COL24A1: variants seen among roughly 807,000 people sequenced by gnomAD.
COL24A1 encodes collagen type XXIV alpha 1 chain, also known as collagen alpha-1(XXIV) chain.
Under a neutral mutation model 253.9 loss-of-function variants are expected in COL24A1, and 224 were observed. The ratio of observed to expected loss-of-function variants is 0.88; its 90% confidence interval spans 0.79 to 0.99. The LOEUF (loss-of-function observed/expected upper bound fraction) is 0.99. Ranked by LOEUF, COL24A1 falls within the 50% of genes least tolerant of loss-of-function variation. The pLI, the probability that COL24A1 is intolerant of heterozygous loss-of-function variation, is 0.00. For synonymous variants in COL24A1, 685 were observed against 673.7 expected, an observed-to-expected ratio of 1.02 and a Z score of -0.26; for missense variants, 2,131 against 2,068.5, an observed-to-expected ratio of 1.03 and a Z score of -0.59.
At chr1:86,134,716 A>G (rs77515393) in intron 2 of COL24A1, among the ~76,000 whole-genome samples, 35,128 of 38,488 alleles carry the variant, frequency 0.91, 16,583 homozygotes, top group Non-Finnish European at 1. Context: ...CTGAGAGACA[A>G]TTTGTTATAA....
intron 19 of COL24A1, among the ~76,000 whole-genome samples, chr1:85,988,791 C>T (rs1157855067): frequency 6.6e-6 from 1 of 151,904 alleles, no homozygotes; most frequent in East Asian, 1.9e-4. Context: ...AAAATGATAC[C>T]AACGTATCCA....
In COL24A1 at chr1:86,031,916, C is replaced by T. The variant is rs1698603972; in HGVS notation, c.2011G>A (p.Val671Ile). The change falls in exon 14 of 60, where the codon GTA becomes ATA. Residue 671 changes from valine to isoleucine, a missense_variant. Val to Ile is a conservative substitution (Grantham distance 29, BLOSUM62 3). Transcript: ENST00000370571. ...PAGLDGSPGL[V>I]GGTGPPGFPG... ...AACCCCGGAGGACCAGTGCCACCTA[C>T]AAGTCCCTATTGTAAAAGAAATTTG... 5 of 1,608,510 alleles carry T rather than the reference C, an allele frequency of 3.1e-6. No individual in the cohort carries two copies. Among genetic ancestry groups the T allele is most frequent in the African/African-American group, 1.3e-5 (1 of 74,670 alleles).
chr1:86,009,256 A>G (rs1696276437), intron 19 of COL24A1, among the ~76,000 whole-genome samples: 1 of 152,214 alleles, frequency 6.6e-6, no homozygotes, highest in African/African-American at 2.4e-5. Flanking sequence ...TTGTGCATGA[A>G]CAGACAACCA....
intron 24 of COL24A1, among the ~76,000 whole-genome samples, chr1:85,945,361 C>T (rs1689236885): frequency 1.3e-5 from 2 of 151,470 alleles, no homozygotes; most frequent in Admixed American, 1.3e-4. Context: ...CAACATTGTA[C>T]TGAAAATCCT....
At chr1:86,088,621 C>T (rs910861209) in intron 7 of COL24A1, among the ~76,000 whole-genome samples, 21 of 152,262 alleles carry the variant, frequency 1.4e-4, no homozygotes, top group African/African-American at 5.1e-4. Flanking sequence ...CTGTTTTTCA[C>T]TAGCTGTCCC....
At position 85,896,390 on chromosome 1, in the gene COL24A1, C is replaced by A; in HGVS notation, c.2798G>T (p.Gly933Val). 3 of 1,613,288 alleles carry A rather than the reference C, an allele frequency of 1.9e-6. No individual in the cohort carries two copies. Among genetic ancestry groups the A allele is most frequent in the Non-Finnish European group, 2.5e-6 (3 of 1,179,310 alleles). Residue 933 changes from glycine to valine, a missense_variant, in exon 29 of 60, where the codon GGT (glycine) becomes GTT (valine). By Grantham distance (109) the Gly-to-Val change is moderately radical (BLOSUM62 -3). Transcript: ENST00000370571. ...KGQRGSRGPD[G>V]LLGEQGIQGA... ...TTGTATACCTTGTTCCCCTAAGAGA[C>A]CATCTGGTCCTCTTGATCCCTAGAG...
chr1:86,054,974 A>G (rs1274137722), intron 10 of COL24A1, among the ~76,000 whole-genome samples: 1 of 152,176 alleles, frequency 6.6e-6, no homozygotes, highest in African/African-American at 2.4e-5. Context: ...AAAATGAACA[A>G]AATCCTATCC....
intron 3 of COL24A1, among the ~76,000 whole-genome samples, chr1:86,117,832 A>T (rs914419553): frequency 3.3e-5 from 5 of 152,220 alleles, no homozygotes; most frequent in Admixed American, 3.3e-4. Flanking sequence ...TTAAAAAGTA[A>T]TGGTTTTGCA....
At chr1:85,884,187 C>T (rs1682202517) in intron 32 of COL24A1, among the ~76,000 whole-genome samples, 1 of 151,898 alleles carries the variant, frequency 6.6e-6, no homozygotes, top group South Asian at 2.1e-4. Context: ...GTCTGCTATC[C>T]CTGAGTCTGT....
At chr1:85,778,811 C>T (rs1479163703) in intron 52 of COL24A1, among the ~76,000 whole-genome samples, 1 of 151,986 alleles carries the variant, frequency 6.6e-6, no homozygotes, top group African/African-American at 2.4e-5. Flanking sequence ...ACCATGTTGG[C>T]CAGGCTGGTC....
At chr1:86,044,686 C>G (rs976294254) in intron 12 of COL24A1, among the ~76,000 whole-genome samples, 1 of 152,086 alleles carries the variant, frequency 6.6e-6, no homozygotes, top group Non-Finnish European at 1.5e-5. Flanking sequence ...TCAATAGACT[C>G]CTGTTGGATA....
At chr1:85,901,118 C>G (rs1268826320) in intron 28 of COL24A1, among the ~76,000 whole-genome samples, 1 of 152,148 alleles carries the variant, frequency 6.6e-6, no homozygotes, top group Non-Finnish European at 1.5e-5. Flanking sequence ...TGTGAAGAGA[C>G]AACCTGTTGA....
chr1:86,077,733 C>T (rs902586619), intron 7 of COL24A1, among the ~76,000 whole-genome samples: 1 of 151,874 alleles, frequency 6.6e-6, no homozygotes, highest in Non-Finnish European at 1.5e-5. Flanking sequence ...CAAACTAACC[C>T]AGGAACAGAA....
intron 7 of COL24A1, among the ~76,000 whole-genome samples, chr1:86,085,550 A>T (rs1031038599): frequency 1.3e-5 from 2 of 152,194 alleles, no homozygotes; most frequent in Admixed American, 6.5e-5. Flanking sequence ...TCTTACAATT[A>T]TAAATAAAAG....
chr1:85,871,299 A>G (rs535585805), intron 35 of COL24A1, among the ~76,000 whole-genome samples: 31 of 152,312 alleles, frequency 2.0e-4, no homozygotes, highest in African/African-American at 7.2e-4. Flanking sequence ...TCCTTCTGAA[A>G]CTATTCCAAT....
chr1:86,070,346 CA>C (rs1701789498), intron 7 of COL24A1, among the ~76,000 whole-genome samples: 1 of 151,894 alleles, frequency 6.6e-6, no homozygotes, highest in African/African-American at 2.4e-5. Flanking sequence ...AAAACAGCCT[CA>C]AAAGGGAAAA....
intron 3 of COL24A1, among the ~76,000 whole-genome samples, chr1:86,122,704 G>T (rs1454292209): frequency 6.6e-6 from 1 of 151,668 alleles, no homozygotes; most frequent in African/African-American, 2.4e-5. Flanking sequence ...TAATTTCCTA[G>T]TTCTACCAAG....
intron 28 of COL24A1, among the ~76,000 whole-genome samples, chr1:85,905,511 G>A (rs952691633): frequency 1.3e-5 from 2 of 151,970 alleles, no homozygotes; most frequent in African/African-American, 4.8e-5. Flanking sequence ...TAGTAGTTCA[G>A]TAAAGAAGGC....
chr1:85,986,433 T>C (rs1693728432), intron 20 of COL24A1, among the ~76,000 whole-genome samples: 2 of 151,902 alleles, frequency 1.3e-5, no homozygotes, highest in Non-Finnish European at 2.9e-5. Context: ...TACTCAAATA[T>C]CTTTGATTAC....
Sources: allele counts gnomAD v4.1 joint callset (sites outside exome capture counted in the v4.1 genomes callset), GRCh38; gene constraint gnomAD v4.1.1; transcripts MANE v1.5; gene names NCBI Gene and HGNC (gene_info 2026-07-23, HGNC 2026-07-21).